UGT1A8: variants seen among roughly 807,000 people sequenced by gnomAD.
UGT1A8 encodes UDP glucuronosyltransferase family 1 member A8, also known as UDP-glucuronosyltransferase 1A8.
A neutral mutation model predicts 45.3 loss-of-function variants in UGT1A8; 39 were observed. The observed-to-expected ratio is 0.86, with a 90% confidence interval of 0.67 to 1.12. The LOEUF (loss-of-function observed/expected upper bound fraction) is 1.12. Ranked by LOEUF, UGT1A8 falls within the 50% of genes most tolerant of loss-of-function variation. UGT1A8 has a pLI of 0.00. For missense variants in UGT1A8, 719 were observed against 664.9 expected (o/e 1.08, Z -0.90); for synonymous variants, 275 against 249.2 (o/e 1.10, Z -0.97).
At chr2:233,623,451 A>T (rs2073044680) in intron 1 of UGT1A8, among the ~76,000 whole-genome samples, 3 of 152,096 alleles carry the variant, frequency 2.0e-5, no homozygotes, top group Admixed American at 2.0e-4. Flanking sequence ...ATCCTTTGTA[A>T]GTTGGATTCC....
intron 1 of UGT1A8, among the ~76,000 whole-genome samples, chr2:233,756,791 A>C (rs1696326658): frequency 6.6e-6 from 1 of 152,088 alleles, no homozygotes; most frequent in Non-Finnish European, 1.5e-5. Context: ...ATTGTGGGGC[A>C]ATACACTAGT....
At chr2:233,656,557 G>A (rs2073857950) in intron 1 of UGT1A8, among the ~76,000 whole-genome samples, 1 of 152,172 alleles carries the variant, frequency 6.6e-6, no homozygotes, top group African/African-American at 2.4e-5. Context: ...AAGTGTAGGC[G>A]CCCATGACTC....
At chr2:233,742,690 G>A (rs1692069965) in intron 1 of UGT1A8, 1 of 152,442 alleles carries the variant, frequency 6.6e-6, no homozygotes, top group African/African-American at 2.4e-5. Flanking sequence ...CCTTCAGAGG[G>A]AACATGCTTC....
chr2:233,647,788 C>T, intron 1 of UGT1A8: 1 of 628,792 alleles, frequency 1.6e-6, no homozygotes, highest in Admixed American at 3.2e-5. Flanking sequence ...CCTAATCAGT[C>T]TGGGTAGAGA....
intron 1 of UGT1A8, among the ~76,000 whole-genome samples, chr2:233,702,673 C>T (rs1237832441): frequency 6.6e-6 from 1 of 152,056 alleles, no homozygotes; most frequent in East Asian, 1.9e-4. Flanking sequence ...CTTATCATAC[C>T]TGAGGTGTTT....
rs201654358 is a variant in UGT1A8, at chr2:233,682,696, G to C, written c.855+64134G>C. The C allele has an allele frequency of 3.1e-6, 5 of 1,613,814 alleles. No homozygotes were observed. The East Asian group carries it at 1.1e-4, about 36-fold the overall frequency. ...ACAGCCACACATCAATTTGGTTGTT[G>C]CGAACTGACTTTGTTTTGGAGTATC... On this transcript the variant is annotated intron_variant, in intron 1 of 4. Coordinates refer to ENST00000373450, the MANE Select transcript of UGT1A8 (RefSeq NM_019076.5).
chr2:233,620,723 T>C (rs1171087007), intron 1 of UGT1A8, among the ~76,000 whole-genome samples: 1 of 152,192 alleles, frequency 6.6e-6, no homozygotes, highest in African/African-American at 2.4e-5. Flanking sequence ...GGAATTCAGA[T>C]CTGAAAGAGG....
chr2:233,729,149 C>T, intron 1 of UGT1A8: 2 of 1,613,488 alleles, frequency 1.2e-6, no homozygotes, highest in Non-Finnish European at 1.7e-6. Flanking sequence ...CTCCAGGTTC[C>T]CCTGCCGTGG....
At chr2:233,639,244 G>T (rs368292208) in intron 1 of UGT1A8, among the ~76,000 whole-genome samples, 2 of 152,226 alleles carry the variant, frequency 1.3e-5, no homozygotes, top group South Asian at 2.1e-4. Flanking sequence ...ATCTATTAAA[G>T]AATATACACA....
Position 233,672,331 on chromosome 2 carries a change from T to A in UGT1A8, c.855+53769T>A, listed in dbSNP as rs762982966. 1 of 1,614,024 alleles carries A rather than the reference T, an allele frequency of 6.2e-7. No homozygotes were observed. The highest frequency in any genetic ancestry group is 1.3e-5 in the African/African-American group (1 of 74,926). ...CAGGAGTTTGTTTAAAGACAAAAAA[T>A]TAGTAGAATACTTAAAGGAGAGTTC... On this transcript the variant is annotated intron_variant, in intron 1 of 4. Coordinates refer to ENST00000373450, the MANE Select transcript of UGT1A8 (RefSeq NM_019076.5).
At chr2:233,730,131 C>T (rs2077990612) in intron 1 of UGT1A8, 1 of 1,535,524 alleles carries the variant, frequency 6.5e-7, no homozygotes, top group Middle Eastern at 2.3e-4. Context: ...TAATAGCCTT[C>T]AGTGAGATAA....
intron 1 of UGT1A8, among the ~76,000 whole-genome samples, chr2:233,695,578 A>G (rs1303216360): frequency 6.6e-6 from 1 of 150,450 alleles, no homozygotes; most frequent in Non-Finnish European, 1.5e-5. Context: ...CCCCTTCCCT[A>G]CTTACCCTTT....
rs114000345 is a variant in UGT1A8 at position 233,767,118 on chromosome 2, A to G, written c.940A>G (p.Lys314Glu). 1.2e-6 allele frequency: 2 copies of G among 1,614,162 alleles called. No homozygotes were observed. The highest frequency in any genetic ancestry group is 2.2e-5 in the East Asian group (1 of 44,866). The change falls in exon 2 of 5, where the codon AAG becomes GAG. Residue 314 changes from lysine (K) to glutamate (E), a missense_variant. Transcript: ENST00000373450. ...ATCAATGGTCTCAGAAATTCCAGAG[A>G]AGAAAGCTATGGCAATTGCTGATGC... is the stretch of plus-strand genomic sequence containing the variant. ...LGSMVSEIPE[K>E]KAMAIADALG...
At position 233,693,225 on chromosome 2, in the gene UGT1A8, C is replaced by A. The variant is rs750266528; in HGVS notation, c.856-73809C>A. 6 of 1,614,160 alleles carry A rather than the reference C, an allele frequency of 3.7e-6. No individual in the cohort carries two copies. In the South Asian group the frequency reaches 6.6e-5, roughly 18 times the overall value. ...CTTTTGAAAGAATCCAAATACTACA[C>A]AAGAAAAATCTATCCAGTGCCGTAT... is the stretch of plus-strand genomic sequence containing the variant. On this transcript the variant is annotated intron_variant, in intron 1 of 4. Coordinates refer to ENST00000373450, the MANE Select transcript of UGT1A8 (RefSeq NM_019076.5).
chr2:233,768,568 G>A, intron 4 of UGT1A8, 129 bp downstream of exon 4: 1 of 1,402,764 alleles, frequency 7.1e-7, no homozygotes, highest in Non-Finnish European at 9.3e-7. Context: ...TAAAAATCTG[G>A]ATTTTTATTT....
chr2:233,767,182 C>T lies in UGT1A8; in HGVS notation c.987+17C>T. The T allele has an allele frequency of 6.2e-7, 1 of 1,613,942 alleles. No individual in the cohort carries two copies. The highest frequency in any genetic ancestry group is 8.5e-7 in the Non-Finnish European group (1 of 1,179,982). On this transcript the variant is annotated intron_variant, in intron 2 of 4. Coordinates refer to ENST00000373450, the MANE Select transcript of UGT1A8 (RefSeq NM_019076.5). ...CCTCAGACAGTAAGAAGATTCTATACCATGGCCTCATATCTATTTTCACAG... is the reference window on the plus strand; with the variant it reads ...CCTCAGACAGTAAGAAGATTCTATATCATGGCCTCATATCTATTTTCACAG...
At chr2:233,743,412 T>C (rs1692284250) in intron 1 of UGT1A8, 48 of 1,321,888 alleles carry the variant, frequency 3.6e-5, no homozygotes, top group Non-Finnish European at 4.8e-5. Flanking sequence ...GGCCCCCACT[T>C]CCCAGGGAGC....
intron 1 of UGT1A8, chr2:233,760,236 A>ATC: frequency 8.2e-6 from 13 of 1,590,176 alleles, no homozygotes; most frequent in Non-Finnish European, 1.1e-5. Context: ...TTTTTGCCAT[A>ATC]TATATATATA....
In UGT1A8 at chr2:233,772,254, G is replaced by A. The variant is rs1700495336; in HGVS notation, c.1296-8G>A. 1 of 1,614,242 alleles carries A rather than the reference G, an allele frequency of 6.2e-7. No homozygotes were observed. The highest frequency in any genetic ancestry group is 8.5e-7 in the Non-Finnish European group (1 of 1,180,046). On this transcript the variant is annotated splice_polypyrimidine_tract_variant and splice_region_variant and intron_variant, in intron 4 of 4. Transcript: ENST00000373450. The stretch of plus-strand genomic sequence containing the variant: ...TTCCAGGCATAACGAAACTGTCTTT[G>A]TGTTTAGTTACAAGGAGAACATCAT...
Sources: gnomAD v4.1 joint callset for allele counts (sites outside exome capture counted in the v4.1 genomes callset) on GRCh38, gnomAD v4.1.1 for gene constraint, MANE v1.5 for transcripts, NCBI Gene and HGNC (gene_info 2026-07-23, HGNC 2026-07-21) for gene names.